Variants in CDH18 observed in about 807,000 individuals in gnomAD.
CDH18 encodes cadherin-18.
CDH18 carries 31 observed loss-of-function variants against 67.9 expected under a neutral mutation model. The ratio of observed to expected loss-of-function variants is 0.46; its 90% CI spans 0.34 to 0.62. CDH18 has a LOEUF of 0.62. Among genes scored for constraint, CDH18 ranks in the 20% least tolerant of loss-of-function variants. The pLI is 0.01. For synonymous variants in CDH18, 362 were observed against 347.2 expected (o/e 1.04, Z -0.48); for missense variants, 890 against 975.5 (o/e 0.91, Z 1.17).
chr5:19,532,513 C>A (rs1748792510), intron 9 of CDH18, among the ~76,000 whole-genome samples: 1 of 152,100 alleles, frequency 6.6e-6, no homozygotes. Flanking sequence ...GGGTTTGTAT[C>A]TTGGTTCATT....
intron 1 of CDH18, among the ~76,000 whole-genome samples, chr5:20,422,102 T>C (rs979609406): frequency 1.3e-5 from 2 of 151,074 alleles, no homozygotes; most frequent in Admixed American, 6.6e-5. Context: ...GGTATGAAAA[T>C]TCTAGGAAGA....
chr5:19,966,661 C>T (rs939168475), intron 2 of CDH18, among the ~76,000 whole-genome samples: 1 of 151,910 alleles, frequency 6.6e-6, no homozygotes, highest in Non-Finnish European at 1.5e-5. Flanking sequence ...GAAATCAGCT[C>T]AAAGCCTGTT....
intron 2 of CDH18, among the ~76,000 whole-genome samples, chr5:20,227,723 A>C: frequency 6.6e-6 from 1 of 152,014 alleles, no homozygotes; most frequent in East Asian, 1.9e-4. Flanking sequence ...CCTAGGCTCA[A>C]GCAGTCCTAA....
At chr5:19,568,535 C>G (rs368669052) in intron 8 of CDH18, among the ~76,000 whole-genome samples, 1 of 152,216 alleles carries the variant, frequency 6.6e-6, no homozygotes, top group East Asian at 1.9e-4. Flanking sequence ...TATAAGCCAC[C>G]AAGACTATGA....
intron 1 of CDH18, among the ~76,000 whole-genome samples, chr5:20,571,354 T>C (rs1758808852): frequency 1.3e-5 from 2 of 152,150 alleles, no homozygotes; most frequent in South Asian, 4.1e-4. Context: ...GCTACTTTAA[T>C]ATAAAAGATA....
intron 7 of CDH18, among the ~76,000 whole-genome samples, chr5:19,574,625 G>A (rs907513631): frequency 5.9e-5 from 9 of 151,998 alleles, no homozygotes; most frequent in Non-Finnish European, 7.4e-5. Context: ...TATAGTATTA[G>A]TATTATAGTG....
intron 2 of CDH18, among the ~76,000 whole-genome samples, chr5:20,031,388 T>G (rs1739386340): frequency 1.3e-5 from 2 of 152,078 alleles, no homozygotes; most frequent in Non-Finnish European, 2.9e-5. Flanking sequence ...GAGTATAATG[T>G]TCGGTATGCT....
At chr5:20,282,768 T>C (rs1030841903) in intron 1 of CDH18, among the ~76,000 whole-genome samples, 7 of 152,062 alleles carry the variant, frequency 4.6e-5, no homozygotes, top group African/African-American at 1.7e-4. Flanking sequence ...TGTCTATTGA[T>C]AGAAATAAAA....
At chr5:19,648,571 A>C (rs1032435709) in intron 5 of CDH18, among the ~76,000 whole-genome samples, 1 of 151,540 alleles carries the variant, frequency 6.6e-6, no homozygotes, top group Non-Finnish European at 1.5e-5. Flanking sequence ...GGTCTGCCTA[A>C]TTAATTCTAT....
At chr5:19,540,502 C>T (rs559262519) in intron 9 of CDH18, among the ~76,000 whole-genome samples, 6 of 152,274 alleles carry the variant, frequency 3.9e-5, no homozygotes, top group Admixed American at 3.9e-4. Context: ...CCCTTCTGTA[C>T]TGCCTTACAG....
intron 2 of CDH18, among the ~76,000 whole-genome samples, chr5:19,911,231 G>T (rs2150138410): frequency 6.6e-6 from 1 of 152,180 alleles, no homozygotes; most frequent in East Asian, 1.9e-4. Flanking sequence ...GTATTTGGTG[G>T]CTGAGCATGC....
At chr5:20,464,464 C>A (rs1157678586) in intron 1 of CDH18, among the ~76,000 whole-genome samples, 1 of 56,048 alleles carries the variant, frequency 1.8e-5, no homozygotes, top group East Asian at 4.0e-4. Context: ...AATGCTCTTG[C>A]CTGTTATTGT....
rs867062430 is a variant in CDH18, at chr5:20,252,264, T to C, written c.-518+3180A>G. Among the ~76,000 whole-genome samples the C allele has an allele frequency of 7.2e-5, 11 of 151,990 alleles. No homozygotes were observed. In the Middle Eastern group the frequency reaches 0.01, roughly 141 times the overall value. On this transcript the variant is annotated intron_variant, in intron 2 of 14. Coordinates refer to the CDH18 transcript ENST00000507958. Reference sequence around the variant, plus strand: ...TACTCATGAGACTGACGCAGGAGAATTGCTTGAACCCAGGAGATGGAGGTT... The same window carrying C: ...TACTCATGAGACTGACGCAGGAGAACTGCTTGAACCCAGGAGATGGAGGTT...
intron 5 of CDH18, among the ~76,000 whole-genome samples, chr5:19,689,315 T>C (rs1761532589): frequency 6.6e-6 from 1 of 152,002 alleles, no homozygotes. Context: ...TCTCAGCAGA[T>C]TGGCACTGGA....
At chr5:20,117,052 T>C (rs1747984552) in intron 2 of CDH18, among the ~76,000 whole-genome samples, 1 of 152,170 alleles carries the variant, frequency 6.6e-6, no homozygotes, top group Non-Finnish European at 1.5e-5. Flanking sequence ...TGTGTGTGTA[T>C]TTTTAAATGA....
intron 10 of CDH18, among the ~76,000 whole-genome samples, chr5:19,506,584 G>C (rs1314768601): frequency 6.6e-6 from 1 of 152,104 alleles, no homozygotes; most frequent in Non-Finnish European, 1.5e-5. Flanking sequence ...GAACAGAACA[G>C]AGCCCTCAGA....
chr5:20,529,524 CT>C (rs200873631), intron 1 of CDH18, among the ~76,000 whole-genome samples: 3,140 of 152,152 alleles, frequency 0.021, 63 homozygotes, highest in African/African-American at 0.042. Context: ...AGCAGCACGT[CT>C]AAAAGCTTAT....
chr5:19,890,922 T>G (rs778134477), intron 2 of CDH18, among the ~76,000 whole-genome samples: 41 of 152,200 alleles, frequency 2.7e-4, no homozygotes, highest in Non-Finnish European at 4.9e-4. Flanking sequence ...AACCAGTTTC[T>G]GAGTGAATGT....
At chr5:19,582,914 T>A (rs976020673) in intron 7 of CDH18, among the ~76,000 whole-genome samples, 1 of 151,926 alleles carries the variant, frequency 6.6e-6, no homozygotes, top group Admixed American at 6.6e-5. Context: ...ACCAGAAATA[T>A]AGTATGTAGA....
Sources: gnomAD v4.1 joint callset for allele counts (sites outside exome capture counted in the v4.1 genomes callset) on GRCh38, gnomAD v4.1.1 for gene constraint, MANE v1.5 for transcripts, NCBI Gene and HGNC (gene_info 2026-07-23, HGNC 2026-07-21) for gene names.